MAML2: variants seen among roughly 807,000 people sequenced by gnomAD.
MAML2 encodes mastermind like transcriptional coactivator 2.
Under a neutral mutation model 96.1 loss-of-function variants are expected in MAML2, and 22 were observed. The observed-to-expected ratio is 0.23, with a 90% CI of 0.16 to 0.33. The LOEUF is 0.33. MAML2 is among the 10% of genes least tolerant of loss of function. The pLI is 1.00. For synonymous variants in MAML2, 561 were observed against 521.3 expected (o/e 1.08, Z -1.04); for missense variants, 1,367 against 1,392.4 (o/e 0.98, Z 0.29).
intron 1 of MAML2, among the ~76,000 whole-genome samples, chr11:96,257,623 A>G (rs944208536): frequency 3.3e-5 from 5 of 152,238 alleles, no homozygotes; most frequent in African/African-American, 4.8e-5. Context: ...TTGGCTTTTC[A>G]AGACAATATG....
intron 1 of MAML2, among the ~76,000 whole-genome samples, chr11:96,140,292 T>G (rs1312698893): frequency 6.6e-6 from 1 of 152,244 alleles, no homozygotes; most frequent in African/African-American, 2.4e-5. Flanking sequence ...TTCACCATAC[T>G]GTTGACAAGT....
At chr11:96,101,432 T>C (rs1396381497) in intron 1 of MAML2, among the ~76,000 whole-genome samples, 2 of 152,168 alleles carry the variant, frequency 1.3e-5, no homozygotes, top group African/African-American at 2.4e-5. Context: ...AGTACAACAC[T>C]ACCTCGGAGA....
chr11:96,153,948 A>AATAC (rs1565230891), intron 1 of MAML2, among the ~76,000 whole-genome samples: 2 of 136,340 alleles, frequency 1.5e-5, no homozygotes, highest in African/African-American at 2.7e-5. Context: ...TAAATAAATA[A>AATAC]ATATGATAAA....
intron 1 of MAML2, among the ~76,000 whole-genome samples, chr11:96,331,815 C>T (rs1327082640): frequency 3.4e-5 from 4 of 119,290 alleles, no homozygotes; most frequent in Admixed American, 2.6e-4. Context: ...GAGACTCCAT[C>T]TCAAAAAAAA....
chr11:96,089,443 C>G (rs1007250895), intron 2 of MAML2, among the ~76,000 whole-genome samples: 1 of 152,146 alleles, frequency 6.6e-6, no homozygotes, highest in South Asian at 2.1e-4. Flanking sequence ...TTGGTTTTGA[C>G]CCAAAGCAGC....
At chr11:96,111,075 T>G (rs4753726) in intron 1 of MAML2, among the ~76,000 whole-genome samples, 141,296 of 152,172 alleles carry the variant, frequency 0.93, 65,644 homozygotes, top group East Asian at 1. Flanking sequence ...TGGGGAGGGG[T>G]AGTGGGAAGG....
At chr11:96,121,268 G>A (rs1020739918) in intron 1 of MAML2, among the ~76,000 whole-genome samples, 5 of 152,152 alleles carry the variant, frequency 3.3e-5, no homozygotes, top group African/African-American at 1.2e-4. Context: ...ATCTTGGTCA[G>A]AAATAAGCAG....
In MAML2 at chr11:96,331,045, G is replaced by A. The variant is rs539225596; in HGVS notation, c.513+10338C>T. Among the ~76,000 whole-genome samples the A allele has an allele frequency of 2.6e-5, 4 of 152,208 alleles. No homozygotes were observed. The South Asian group carries it at 8.3e-4, about 32-fold the overall frequency. On this transcript the variant is annotated intron_variant, in intron 1 of 4. Transcript: ENST00000524717. ...AGCACTTTGGGAGGCTGAGGTGGGT[G>A]GATCCTTTGAGCCCTGGAGTTTGAG... is the stretch of plus-strand genomic sequence containing the variant.
intron 1 of MAML2, among the ~76,000 whole-genome samples, chr11:96,176,441 T>C (rs1861389680): frequency 6.6e-6 from 1 of 152,066 alleles, no homozygotes; most frequent in Admixed American, 6.6e-5. Flanking sequence ...TTTTAGGGAG[T>C]AAAGCAGGGG....
chr11:96,151,476 C>T, intron 1 of MAML2, among the ~76,000 whole-genome samples: 1 of 152,214 alleles, frequency 6.6e-6, no homozygotes, highest in East Asian at 1.9e-4. Flanking sequence ...TGGTTTGGAT[C>T]TGTGTTCCCA....
intron 1 of MAML2, among the ~76,000 whole-genome samples, chr11:96,133,132 G>A (rs1860572594): frequency 6.6e-6 from 1 of 152,006 alleles, no homozygotes; most frequent in Admixed American, 6.5e-5. Flanking sequence ...AGGCTTTCCT[G>A]GATAAAGATA....
chr11:96,291,345 C>T (rs555601693), intron 1 of MAML2, among the ~76,000 whole-genome samples: 4 of 152,108 alleles, frequency 2.6e-5, no homozygotes, highest in Admixed American at 1.3e-4. Flanking sequence ...AGGCTAGTCT[C>T]AAACCCCTGA....
rs114128264 is a variant in MAML2 at position 96,186,831 on chromosome 11, G to A, written c.514-93314C>T. Among the ~76,000 whole-genome samples, 417 of 152,262 alleles carry A rather than the reference G, an allele frequency of 2.7e-3. 1 individual carries two copies. The highest frequency in any genetic ancestry group is 9.3e-3 in the African/African-American group (388 of 41,532). On this transcript the variant is annotated intron_variant, in intron 1 of 4. Coordinates refer to ENST00000524717, the MANE Select transcript of MAML2 (RefSeq NM_032427.4). ...CCCAATAGCCCCTGGCTTTAGAGCC[G>A]GGCCCCTTAACAACTATTAGCCAGT... is the stretch of plus-strand genomic sequence containing the variant.
At chr11:96,113,604 G>GAAAA (rs61518039) in intron 1 of MAML2, among the ~76,000 whole-genome samples, 11 of 139,124 alleles carry the variant, frequency 7.9e-5, no homozygotes, top group Admixed American at 1.5e-4. Context: ...CCCGTTGTTT[G>GAAAA]AAAAAAAAAA....
chr11:96,315,125 G>A (rs2136006859), intron 1 of MAML2, among the ~76,000 whole-genome samples: 1 of 152,306 alleles, frequency 6.6e-6, no homozygotes, highest in East Asian at 1.9e-4. Flanking sequence ...ATATTAAAGA[G>A]GAGGTTCTCC....
chr11:96,082,376 A>C (rs1232815057), intron 2 of MAML2, among the ~76,000 whole-genome samples: 2 of 152,202 alleles, frequency 1.3e-5, no homozygotes, highest in Non-Finnish European at 2.9e-5. Flanking sequence ...TACTAGAGGG[A>C]GAAGAAACTA....
intron 1 of MAML2, among the ~76,000 whole-genome samples, chr11:96,245,215 C>CTTTT (rs10584752): frequency 1.5e-5 from 2 of 131,626 alleles, no homozygotes; most frequent in African/African-American, 2.8e-5. Flanking sequence ...AGTCATCCTT[C>CTTTT]TTTTTTTTTT....
chr11:96,090,587 A>T (rs903704591), intron 2 of MAML2, among the ~76,000 whole-genome samples: 2 of 152,226 alleles, frequency 1.3e-5, no homozygotes, highest in East Asian at 1.9e-4. Context: ...AAATGCTCCC[A>T]AAATTCCCTG....
At chr11:96,187,055 G>A (rs1861586905) in intron 1 of MAML2, among the ~76,000 whole-genome samples, 1 of 152,180 alleles carries the variant, frequency 6.6e-6, no homozygotes, top group South Asian at 2.1e-4. Context: ...CATTCCTGGT[G>A]CCCTGAGTAA....
Sources: allele counts gnomAD v4.1 joint callset (sites outside exome capture counted in the v4.1 genomes callset), GRCh38; gene constraint gnomAD v4.1.1; transcripts MANE v1.5; gene names NCBI Gene and HGNC (gene_info 2026-07-23, HGNC 2026-07-21).